SMCHD1: variants seen among roughly 807,000 people sequenced by gnomAD.
The protein encoded by SMCHD1 is structural maintenance of chromosomes flexible hinge domain-containing protein 1.
SMCHD1 carries 78 observed loss-of-function variants against 254.7 expected under a neutral mutation model. The ratio of observed to expected loss-of-function variants is 0.31; its 90% confidence interval spans 0.26 to 0.37. SMCHD1 has a LOEUF of 0.37. Ranked by LOEUF, SMCHD1 falls within the 10% of genes least tolerant of loss-of-function variation. The pLI is 1.00. For synonymous variants in SMCHD1, 766 were observed against 794.9 expected, an observed-to-expected ratio of 0.96 and a Z score of 0.61; for missense variants, 1,840 against 2,408.1, an observed-to-expected ratio of 0.76 and a Z score of 4.94.
chr18:2,690,958 G>GA (rs34253034), intron 7 of SMCHD1, among the ~76,000 whole-genome samples: 93 of 134,132 alleles, frequency 6.9e-4, no homozygotes, highest in African/African-American at 1.8e-3. Context: ...TTTGATAATT[G>GA]AAAAAAAAAA....
chr18:2,786,136 C>T lies in SMCHD1; in HGVS notation c.5719+1515C>T, dbSNP rs183778880. On this transcript the variant is annotated intron_variant, in intron 45 of 47. Transcript: ENST00000320876. Reference sequence around the variant, plus strand: ...TCAAGCAATGTTTGTGCCTCAGCCACCCAAGTTGCTGGGATTACAGACATG... The same window carrying T: ...TCAAGCAATGTTTGTGCCTCAGCCATCCAAGTTGCTGGGATTACAGACATG... 2.2e-3 allele frequency among the ~76,000 whole-genome samples: 333 copies of T among 152,210 alleles called. 1 individual carries two copies. The highest frequency in any genetic ancestry group is 1.5e-3 in the Non-Finnish European group (103 of 68,024).
chr18:2,754,890 C>T (rs1325199408), intron 34 of SMCHD1, among the ~76,000 whole-genome samples: 1 of 151,632 alleles, frequency 6.6e-6, no homozygotes, highest in East Asian at 1.9e-4. Flanking sequence ...AATCCCAGCA[C>T]TTTGGGAGGC....
In SMCHD1 at chr18:2,792,523, G is replaced by A. The variant is rs28533754; in HGVS notation, c.5720-3426G>A. Among the ~76,000 whole-genome samples the A allele has an allele frequency of 5.8e-3, 881 of 152,246 alleles. 5 individuals carry two copies. The highest frequency in any genetic ancestry group is 0.02 in the African/African-American group (842 of 41,548). ...CACAGGGTTCAGTAGTATCCACTGG[G>A]GGTTTCAGACATCCACTGGGGGTCT... is the stretch of plus-strand genomic sequence containing the variant. On this transcript the variant is annotated intron_variant, in intron 45 of 47. Coordinates refer to ENST00000320876, the MANE Select transcript of SMCHD1 (RefSeq NM_015295.3).
At chr18:2,697,748 C>A in intron 9 of SMCHD1, 83 bp from the exon 10 acceptor site, 1 of 850,774 alleles carries the variant, frequency 1.2e-6, no homozygotes, top group Non-Finnish European at 1.9e-6. Context: ...ATAATTTTTA[C>A]TTATTCTGTT....
intron 29 of SMCHD1, among the ~76,000 whole-genome samples, chr18:2,745,312 C>G (rs1163543953): frequency 6.6e-6 from 1 of 152,186 alleles, no homozygotes; most frequent in African/African-American, 2.4e-5. Context: ...AGCCACCGTT[C>G]CCAGCCCATG....
intron 5 of SMCHD1, among the ~76,000 whole-genome samples, chr18:2,681,331 T>C (rs938146517): frequency 6.0e-5 from 9 of 148,848 alleles, no homozygotes; most frequent in African/African-American, 2.2e-4. Flanking sequence ...GAGAGTCACT[T>C]GAACCTGGGA....
chr18:2,786,915 G>A (rs768078975), intron 45 of SMCHD1, among the ~76,000 whole-genome samples: 1 of 151,680 alleles, frequency 6.6e-6, no homozygotes, highest in Admixed American at 6.6e-5. Context: ...TTCATTGCAG[G>A]ATAATACTTC....
intron 1 of SMCHD1, 70 bp downstream of exon 1, chr18:2,656,331 T>C: frequency 7.6e-7 from 1 of 1,323,840 alleles, no homozygotes; most frequent in Non-Finnish European, 9.7e-7. Flanking sequence ...AAACTCAACT[T>C]GCTCACTGAG....
At chr18:2,777,336 C>T (rs1435116709) in intron 42 of SMCHD1, among the ~76,000 whole-genome samples, 3 of 152,196 alleles carry the variant, frequency 2.0e-5, no homozygotes, top group Non-Finnish European at 4.4e-5. Flanking sequence ...TCTGAAATTC[C>T]ATTGTTATCA....
At position 2,763,679 on chromosome 18, in the gene SMCHD1, A is replaced by C; in HGVS notation, c.4609A>C (p.Ile1537Leu). 1.2e-6 allele frequency: 2 copies of C among 1,602,764 alleles called. No individual in the cohort carries two copies. The highest frequency in any genetic ancestry group is 1.7e-6 in the Non-Finnish European group (2 of 1,175,448). Residue 1537 changes from isoleucine to leucine, a missense_variant, in exon 37 of 48, where the codon ATA (isoleucine) becomes CTA (leucine). Physicochemically the swap from Ile to Leu is conservative, Grantham distance 5. Transcript: ENST00000320876. ...TACTGGAATTGATTTGGTTGGCACT[A>C]TAATAGCCACCATTAAAGGCTCTAA... is the stretch of plus-strand genomic sequence containing the variant. Reference protein sequence around the residue: ...NHTGIDLVGTIIATIKGSNEE... With the variant: ...NHTGIDLVGTLIATIKGSNEE...
At chr18:2,708,225 TCTAATAATTACA>T (rs1481938071) in intron 17 of SMCHD1, among the ~76,000 whole-genome samples, 3 of 139,266 alleles carry the variant, frequency 2.2e-5, no homozygotes, top group African/African-American at 7.6e-5. Context: ...TTATTACAGT[TCTAATAATTACA>T]GTAATAATTA....
chr18:2,717,799 T>A (rs768602496), intron 17 of SMCHD1, among the ~76,000 whole-genome samples: 17 of 152,224 alleles, frequency 1.1e-4, no homozygotes, highest in Non-Finnish European at 2.4e-4. Flanking sequence ...TGAATTGCCT[T>A]TTTAAAAATT....
intron 5 of SMCHD1, among the ~76,000 whole-genome samples, chr18:2,679,078 C>T (rs529294017): frequency 4.0e-5 from 6 of 150,988 alleles, no homozygotes; most frequent in Admixed American, 2.0e-4. Flanking sequence ...GAACTCTTGA[C>T]CTCGTGATCT....
chr18:2,775,985 C>T, intron 42 of SMCHD1, 61 bp downstream of exon 42: 1 of 1,340,346 alleles, frequency 7.5e-7, no homozygotes, highest in Non-Finnish European at 1.0e-6. Flanking sequence ...TTATCAAAGC[C>T]TTGAATTTAA....
chr18:2,677,148 C>CTTTAGTATTTTATTCTGT (rs56002449), intron 5 of SMCHD1, among the ~76,000 whole-genome samples: 28,821 of 120,874 alleles, frequency 0.24, 3,027 homozygotes, highest in Admixed American at 0.33. Context: ...TTATTATGAA[C>CTTTAGTATTTTATTCTGT]ATTTAAAAAC....
intron 1 of SMCHD1, among the ~76,000 whole-genome samples, chr18:2,663,355 G>A (rs185397956): frequency 5.9e-5 from 9 of 151,740 alleles, no homozygotes; most frequent in Non-Finnish European, 8.8e-5. Context: ...CAAGCAATCC[G>A]CCCACCTTGG....
chr18:2,702,031 G>A (rs929813725), intron 12 of SMCHD1, among the ~76,000 whole-genome samples: 2 of 151,758 alleles, frequency 1.3e-5, no homozygotes, highest in African/African-American at 2.4e-5. Flanking sequence ...AATACACTTA[G>A]AATTCATTTA....
intron 40 of SMCHD1, among the ~76,000 whole-genome samples, 187 bp downstream of exon 40, chr18:2,771,805 T>C (rs2075989110): frequency 1.3e-5 from 2 of 152,170 alleles, no homozygotes; most frequent in Non-Finnish European, 2.9e-5. Context: ...AAATTGCAAT[T>C]TGTATTTTTA....
At chr18:2,793,453 G>A (rs1199426415) in intron 45 of SMCHD1, among the ~76,000 whole-genome samples, 1 of 151,914 alleles carries the variant, frequency 6.6e-6, no homozygotes, top group Non-Finnish European at 1.5e-5. Context: ...CACGAGGTCA[G>A]GAGATCAAGA....
Sources: allele counts gnomAD v4.1 joint callset (sites outside exome capture counted in the v4.1 genomes callset), GRCh38; gene constraint gnomAD v4.1.1; transcripts MANE v1.5; gene names NCBI Gene and HGNC (gene_info 2026-07-23, HGNC 2026-07-21).